RRAGD: variants seen among roughly 807,000 people sequenced by gnomAD.
RRAGD encodes the protein ras-related GTP-binding protein D.
In RRAGD, 12 loss-of-function variants were observed where a neutral mutation model predicts 35.5. The ratio of observed to expected loss-of-function variants is 0.34; its 90% CI spans 0.22 to 0.55. The LOEUF (loss-of-function observed/expected upper bound fraction) is 0.55. RRAGD is among the 20% of genes least tolerant of loss of function. The probability of loss-of-function intolerance (pLI) is 0.91; values close to 1 mark genes in which losing one functional copy is unlikely to be tolerated. For missense variants in RRAGD, 324 were observed against 490.1 expected (o/e 0.66, Z 3.20); for synonymous variants, 155 against 178.9 (o/e 0.87, Z 1.07).
At chr6:89,399,814 G>A (rs1427761783) in intron 1 of RRAGD, among the ~76,000 whole-genome samples, 2 of 142,364 alleles carry the variant, frequency 1.4e-5, no homozygotes, top group Admixed American at 7.2e-5. Context: ...ATGTTGCCCA[G>A]GCTGGTCTGA....
intron 2 of RRAGD, among the ~76,000 whole-genome samples, chr6:89,383,467 C>A (rs1800451111): frequency 6.6e-6 from 1 of 152,164 alleles, no homozygotes; most frequent in Non-Finnish European, 1.5e-5. Flanking sequence ...TTATTACTTT[C>A]TTTGACAAAT....
At chr6:89,388,836 A>G (rs1330130796) in intron 1 of RRAGD, among the ~76,000 whole-genome samples, 1 of 152,210 alleles carries the variant, frequency 6.6e-6, no homozygotes, top group Non-Finnish European at 1.5e-5. Context: ...AGACAGTCCC[A>G]TGTGGGGTTG....
rs1582498716 is a variant in RRAGD, at chr6:89,365,796, T to C, written c.*2260A>G. On this transcript the variant is annotated 3_prime_UTR_variant, in exon 7 of 7. Coordinates refer to ENST00000369415, the MANE Select transcript of RRAGD (RefSeq NM_021244.5). ...AAACATGGAAGCTCCAACCTGGTTA[T>C]AGTAATAAATATACCTAAGTAATGT... The C allele has an allele frequency of 6.6e-6, 1 of 152,246 alleles. No individual in the cohort carries two copies. The highest frequency in any genetic ancestry group is 2.4e-5 in the African/African-American group (1 of 41,474). The allele number at this position is 152,246 out of a possible 1,614,324, so 9.4% of individuals were successfully genotyped here. A position where few individuals can be genotyped will look rare whatever the true frequency, so the allele number is the denominator to read the frequency against.
intron 1 of RRAGD, among the ~76,000 whole-genome samples, chr6:89,392,612 A>C (rs1177466174): frequency 6.6e-6 from 1 of 152,226 alleles, no homozygotes; most frequent in Non-Finnish European, 1.5e-5. Flanking sequence ...ATACAGACTG[A>C]AAAGTAACGT....
intron 4 of RRAGD, among the ~76,000 whole-genome samples, chr6:89,378,378 G>A (rs748946539): frequency 1.3e-4 from 20 of 151,950 alleles, no homozygotes; most frequent in Non-Finnish European, 2.5e-4. Context: ...TTCCTAACTC[G>A]TAGAGATACA....
At chr6:89,406,844 C>T (rs937451927) in intron 1 of RRAGD, among the ~76,000 whole-genome samples, 1 of 152,036 alleles carries the variant, frequency 6.6e-6, no homozygotes, top group Non-Finnish European at 1.5e-5. Flanking sequence ...AACATCCACC[C>T]CTAGACACTG....
chr6:89,368,953 A>G (rs1282249764), intron 6 of RRAGD, among the ~76,000 whole-genome samples: 1 of 152,226 alleles, frequency 6.6e-6, no homozygotes, highest in Non-Finnish European at 1.5e-5. Context: ...GTTTACACCA[A>G]TTAGGATAAG....
At chr6:89,369,916 C>T (rs900422659) in intron 6 of RRAGD, among the ~76,000 whole-genome samples, 1 of 152,138 alleles carries the variant, frequency 6.6e-6, no homozygotes, top group Non-Finnish European at 1.5e-5. Context: ...ACACTCTCTT[C>T]ACCCCACCTA....
chr6:89,387,649 G>A (rs1769159185), intron 1 of RRAGD, 59 bp from the exon 2 acceptor site: 1 of 1,450,836 alleles, frequency 6.9e-7, no homozygotes, highest in Non-Finnish European at 9.4e-7. Context: ...TTAATTAGAG[G>A]AGTTTCACTT....
chr6:89,379,635 T>C (rs932888169), intron 3 of RRAGD, among the ~76,000 whole-genome samples: 1 of 152,246 alleles, frequency 6.6e-6, no homozygotes, highest in Non-Finnish European at 1.5e-5. Flanking sequence ...TGCAAGACAA[T>C]CCATGCCAGA....
At chr6:89,389,865 T>C (rs1000964637) in intron 1 of RRAGD, among the ~76,000 whole-genome samples, 1 of 152,194 alleles carries the variant, frequency 6.6e-6, no homozygotes. Flanking sequence ...ATGGACTTGA[T>C]AATGAAAATA....
chr6:89,378,206 G>A (rs1165908299), intron 4 of RRAGD, among the ~76,000 whole-genome samples: 1 of 151,894 alleles, frequency 6.6e-6, no homozygotes, highest in Non-Finnish European at 1.5e-5. Context: ...GGAGGCTGAG[G>A]AAGGAGAACT....
chr6:89,388,860 A>T (rs1164985761), intron 1 of RRAGD, among the ~76,000 whole-genome samples: 1 of 152,204 alleles, frequency 6.6e-6, no homozygotes, highest in East Asian at 1.9e-4. Context: ...GGAGACAATG[A>T]CAGATCATCA....
intron 1 of RRAGD, among the ~76,000 whole-genome samples, chr6:89,398,170 G>A (rs1376110463): frequency 6.6e-6 from 1 of 152,018 alleles, no homozygotes; most frequent in African/African-American, 2.4e-5. Context: ...AAAAAGAAAT[G>A]GAAGAGGCAG....
chr6:89,379,523 G>T (rs1042833513), intron 3 of RRAGD, among the ~76,000 whole-genome samples, 185 bp from the exon 4 acceptor site: 2 of 152,118 alleles, frequency 1.3e-5, no homozygotes, highest in Non-Finnish European at 2.9e-5. Context: ...CTCCCAAAAA[G>T]CCCGAGCTGT....
At chr6:89,370,844 G>A (rs567791426) in intron 6 of RRAGD, among the ~76,000 whole-genome samples, 97 of 152,168 alleles carry the variant, frequency 6.4e-4, no homozygotes, top group Middle Eastern at 3.4e-3. Context: ...AGAAAGGACT[G>A]GAAAAGTATA....
intron 1 of RRAGD, among the ~76,000 whole-genome samples, chr6:89,391,415 T>A (rs9451216): frequency 6.6e-6 from 1 of 151,656 alleles, no homozygotes; most frequent in Non-Finnish European, 1.5e-5. Flanking sequence ...GGAATATTAT[T>A]CAGCCATAAA....
Position 89,367,839 on chromosome 6 carries a change from A to G in RRAGD, c.*217T>C. 1 of 395,440 alleles carries G rather than the reference A, an allele frequency of 2.5e-6. No homozygotes were observed. 24.5% of individuals were successfully genotyped at this position (395,440 alleles called of 1,614,324 possible). A position where few individuals can be genotyped will look rare whatever the true frequency, so the allele number is the denominator to read the frequency against. On this transcript the variant is annotated 3_prime_UTR_variant, in exon 7 of 7. Transcript: ENST00000369415. The stretch of plus-strand genomic sequence containing the variant: ...GTTTACATTTGTGTAATGAAATGAC[A>G]ATGGATTTCACATCACTGTTAATAT...
At chr6:89,403,711 T>G (rs1318002378) in intron 1 of RRAGD, among the ~76,000 whole-genome samples, 1 of 150,164 alleles carries the variant, frequency 6.7e-6, no homozygotes, top group Non-Finnish European at 1.5e-5. Flanking sequence ...CATAGCTCAC[T>G]GCAGCCTCAA....
Sources: gnomAD v4.1 joint callset for allele counts (sites outside exome capture counted in the v4.1 genomes callset) on GRCh38, gnomAD v4.1.1 for gene constraint, MANE v1.5 for transcripts, NCBI Gene and HGNC (gene_info 2026-07-23, HGNC 2026-07-21) for gene names.